The following ZNF251 variants were observed in gnomAD, a reference collection of about 807,000 sequenced individuals.
ZNF251 encodes zinc finger protein 251.
ZNF251 carries 14 observed loss-of-function variants against 13.5 expected under a neutral mutation model. That is an observed-to-expected ratio of 1.04 (90% confidence interval 0.69 to 1.63). ZNF251 has a LOEUF of 1.63. Ranked by LOEUF, ZNF251 falls within the 40% of genes most tolerant of loss-of-function variation. The probability of loss-of-function intolerance (pLI) is 0.00; values close to 1 mark genes in which losing one functional copy is unlikely to be tolerated. For synonymous variants in ZNF251, 287 were observed against 295.2 expected (o/e 0.97, Z 0.28); for missense variants, 764 against 834.9 (o/e 0.92, Z 1.05).
Position 144,734,027 on chromosome 8 carries a change from A to T in ZNF251, c.278-10645T>A, listed in dbSNP as rs571134316. Among the ~76,000 whole-genome samples the T allele has an allele frequency of 6.6e-6, 1 of 152,312 alleles. No homozygotes were observed. The highest frequency in any genetic ancestry group is 2.4e-5 in the African/African-American group (1 of 41,576). Reference sequence around the variant, plus strand: ...GGCAGAATCTTAGGCTGCACGTGCCAGATGCCTAAACTGTGCAGCCTGAAT... The same window carrying T: ...GGCAGAATCTTAGGCTGCACGTGCCTGATGCCTAAACTGTGCAGCCTGAAT... On this transcript the variant is annotated intron_variant, in intron 4 of 4. Transcript: ENST00000292562. The surrounding 1 kb of genome is among the most constrained non-coding windows in gnomAD (Gnocchi z 4.4).
intron 4 of ZNF251, among the ~76,000 whole-genome samples, chr8:144,747,611 T>TTTG (rs775126600): frequency 6.6e-6 from 1 of 152,214 alleles, no homozygotes; most frequent in Non-Finnish European, 1.5e-5. Flanking sequence ...CATCACATAT[T>TTTG]TTGTTGTTGT....
chr8:144,752,505 C>T (rs1431755746), intron 4 of ZNF251, among the ~76,000 whole-genome samples: 1 of 152,134 alleles, frequency 6.6e-6, no homozygotes, highest in East Asian at 1.9e-4. Context: ...AATGAAAATA[C>T]AACATATTAA....
At chr8:144,745,151 C>G (rs1824359459) in intron 4 of ZNF251, among the ~76,000 whole-genome samples, 1 of 147,244 alleles carries the variant, frequency 6.8e-6, no homozygotes, top group South Asian at 2.2e-4. Context: ...GAATAAGACA[C>G]ATTTTAAGTT....
chr8:144,753,104 CT>C (rs1461394761), intron 4 of ZNF251, among the ~76,000 whole-genome samples: 1 of 151,062 alleles, frequency 6.6e-6, no homozygotes, highest in East Asian at 1.9e-4. Flanking sequence ...GAAACCTTGT[CT>C]CAACAAAAAT....
intron 4 of ZNF251, among the ~76,000 whole-genome samples, chr8:144,743,265 T>C (rs1250832959): frequency 6.6e-6 from 1 of 152,166 alleles, no homozygotes; most frequent in Non-Finnish European, 1.5e-5. Context: ...AGTTTCATCA[T>C]GTTGGCCAGG....
At chr8:144,740,112 C>T (rs1048155171) in intron 4 of ZNF251, among the ~76,000 whole-genome samples, 3 of 150,742 alleles carry the variant, frequency 2.0e-5, no homozygotes, top group Non-Finnish European at 4.4e-5. Flanking sequence ...ATGGAGAAAC[C>T]CCGTCTCTAC....
At chr8:144,729,346 TTTTTTTG>T (rs1322957412) in intron 4 of ZNF251, among the ~76,000 whole-genome samples, 3 of 147,146 alleles carry the variant, frequency 2.0e-5, no homozygotes, top group African/African-American at 7.9e-5. Context: ...TTTTTTTTTT[TTTTTTTG>T]TGAGATAGAG....
rs376190702 is a variant in ZNF251, at chr8:144,722,362, T to C, written c.1298A>G (p.Tyr433Cys). 7 of 1,613,820 alleles carry C rather than the reference T, an allele frequency of 4.3e-6. No homozygotes were observed. The highest frequency in any genetic ancestry group is 4.0e-5 in the African/African-American group (3 of 74,922). The change falls in exon 5 of 5, where the codon TAT (tyrosine) becomes TGT (cysteine). Residue 433 changes from tyrosine to cysteine, a missense_variant. Transcript: ENST00000292562. The surrounding 1 kb of genome is among the most constrained non-coding windows in gnomAD (Gnocchi z 4.8). ...HVRIHTGEKP[Y>C]VCNECGKAFR... ...GGCTTTGCCGCACTCATTACAAACA[T>C]AGGGTTTTTCTCCTGTGTGAATCCT...
intron 4 of ZNF251, among the ~76,000 whole-genome samples, chr8:144,750,119 C>T (rs114615949): frequency 0.036 from 5,529 of 152,134 alleles, 343 homozygotes; most frequent in African/African-American, 0.13. Flanking sequence ...TAAAAAAATA[C>T]CTGGTCTGAT....
chr8:144,754,183 G>A lies in ZNF251; in HGVS notation c.163+9C>T. On this transcript the variant is annotated intron_variant, in intron 3 of 4. Transcript: ENST00000292562. ...CACTGCGAACCAGGCCAAGTGCAGAGAGCCTCACCCAGAGAGGCCACGTTC... is the reference window on the plus strand; with the variant it reads ...CACTGCGAACCAGGCCAAGTGCAGAAAGCCTCACCCAGAGAGGCCACGTTC... The A allele has an allele frequency of 6.2e-7, 1 of 1,610,218 alleles. No homozygotes were observed. The highest frequency in any genetic ancestry group is 2.2e-5 in the East Asian group (1 of 44,812).
intron 4 of ZNF251, among the ~76,000 whole-genome samples, chr8:144,749,986 T>C (rs988828839): frequency 1.3e-5 from 2 of 151,566 alleles, no homozygotes; most frequent in Non-Finnish European, 2.9e-5. Flanking sequence ...GAGTTGCAAA[T>C]ACAGGTATGT....
At chr8:144,744,431 T>C (rs1824320862) in intron 4 of ZNF251, among the ~76,000 whole-genome samples, 1 of 152,202 alleles carries the variant, frequency 6.6e-6, no homozygotes, top group African/African-American at 2.4e-5. Flanking sequence ...TCTAGAAGTT[T>C]CACAGTTTTG....
At chr8:144,724,583 G>C in intron 4 of ZNF251, among the ~76,000 whole-genome samples, 1 of 152,144 alleles carries the variant, frequency 6.6e-6, no homozygotes, top group South Asian at 2.1e-4. Context: ...ACTCCCCTAG[G>C]ATCCATCCTA....
intron 3 of ZNF251, 140 bp from the exon 4 acceptor site, chr8:144,753,936 T>C: frequency 1.3e-6 from 1 of 773,588 alleles, no homozygotes; most frequent in African/African-American, 1.8e-5. Flanking sequence ...GACTAAGTAC[T>C]GAAGGAGAAT....
chr8:144,745,277 T>C (rs904713396), intron 4 of ZNF251, among the ~76,000 whole-genome samples: 1 of 151,950 alleles, frequency 6.6e-6, no homozygotes, highest in Non-Finnish European at 1.5e-5. Flanking sequence ...TGAGGTGTGT[T>C]TGTTCCCTTG....
intron 4 of ZNF251, among the ~76,000 whole-genome samples, chr8:144,749,591 TTC>T (rs1205695354): frequency 1.3e-5 from 2 of 152,272 alleles, no homozygotes; most frequent in East Asian, 1.9e-4. Flanking sequence ...TCATTCCTAT[TTC>T]TGTTTTCCAT....
Position 144,727,571 on chromosome 8 carries a change from T to C in ZNF251, c.278-4189A>G, listed in dbSNP as rs569757460. Among the ~76,000 whole-genome samples the C allele has an allele frequency of 2.6e-5, 4 of 152,314 alleles. No homozygotes were observed. The South Asian group carries it at 6.2e-4, about 24-fold the overall frequency. The stretch of plus-strand genomic sequence containing the variant: ...CCCTCATGAACCAACCTCTGCCAGC[T>C]TCAAGGTTTTCTTCTGCAGCTTCCT... On this transcript the variant is annotated intron_variant, in intron 4 of 4. Transcript: ENST00000292562.
intron 4 of ZNF251, among the ~76,000 whole-genome samples, chr8:144,743,785 T>G (rs546909311): frequency 6.6e-6 from 1 of 152,326 alleles, no homozygotes; most frequent in African/African-American, 2.4e-5. Context: ...ACTGTTTTAA[T>G]GTGCAGTTCC....
At chr8:144,744,553 T>A (rs1236260571) in intron 4 of ZNF251, among the ~76,000 whole-genome samples, 1 of 152,202 alleles carries the variant, frequency 6.6e-6, no homozygotes, top group African/African-American at 2.4e-5. Context: ...ATGGGGTCTT[T>A]GAGAGGTCAT....
Sources: gnomAD v4.1 joint callset for allele counts (sites outside exome capture counted in the v4.1 genomes callset) on GRCh38, gnomAD v4.1.1 for gene constraint, Gnocchi (gnomAD v3.1) non-coding constraint, MANE v1.5 for transcripts, NCBI Gene and HGNC (gene_info 2026-07-23, HGNC 2026-07-21) for gene names.